Variants in NLGN1 observed in about 807,000 individuals in gnomAD.
NLGN1 encodes neuroligin 1, also known as neuroligin-1.
In NLGN1, 12 loss-of-function variants were observed where a neutral mutation model predicts 65.5. The observed-to-expected ratio is 0.18, with a 90% CI of 0.12 to 0.30. The LOEUF is 0.30. NLGN1 is among the 10% of genes least tolerant of loss of function. The pLI is 1.00. For missense variants in NLGN1, 750 were observed against 1,007.1 expected (o/e 0.74, Z 3.46); for synonymous variants, 350 against 359.5 (o/e 0.97, Z 0.30).
chr3:173,678,074 A>C (rs1033698879), intron 3 of NLGN1, among the ~76,000 whole-genome samples: 1 of 152,036 alleles, frequency 6.6e-6, no homozygotes, highest in Non-Finnish European at 1.5e-5. Flanking sequence ...CTGTATATGG[A>C]AGCATTTATG....
At chr3:173,488,258 C>T (rs931377492) in intron 2 of NLGN1, among the ~76,000 whole-genome samples, 1 of 151,914 alleles carries the variant, frequency 6.6e-6, no homozygotes, top group Non-Finnish European at 1.5e-5. Flanking sequence ...ATTCATACTA[C>T]TTTGATTTGT....
intron 4 of NLGN1, among the ~76,000 whole-genome samples, chr3:174,242,459 A>G (rs1485085500): frequency 6.6e-6 from 1 of 152,104 alleles, no homozygotes; most frequent in African/African-American, 2.4e-5. Flanking sequence ...ATGAAGCTTC[A>G]AATGTATTTA....
At chr3:174,111,250 T>C (rs1715161206) in intron 4 of NLGN1, among the ~76,000 whole-genome samples, 1 of 151,938 alleles carries the variant, frequency 6.6e-6, no homozygotes, top group Non-Finnish European at 1.5e-5. Context: ...AATGGGACTG[T>C]AGAAACTGGT....
chr3:173,747,795 C>CTTCTT (rs1560289220), intron 3 of NLGN1, among the ~76,000 whole-genome samples: 16 of 78,606 alleles, frequency 2.0e-4, no homozygotes, highest in African/African-American at 9.3e-4. Context: ...TCTTCTTCTT[C>CTTCTT]TTGTTCTTTT....
chr3:174,002,381 G>A (rs907027682), intron 4 of NLGN1, among the ~76,000 whole-genome samples: 43 of 152,136 alleles, frequency 2.8e-4, no homozygotes, highest in African/African-American at 1.0e-3. Flanking sequence ...ACCCTCCTCG[G>A]CCTCCCAAAC....
chr3:173,599,909 T>C (rs1283388446), intron 2 of NLGN1, among the ~76,000 whole-genome samples: 1 of 152,248 alleles, frequency 6.6e-6, no homozygotes, highest in East Asian at 1.9e-4. Flanking sequence ...AAGGCATTGC[T>C]CTGCCTTCTT....
chr3:174,063,331 C>G (rs922045150), intron 4 of NLGN1, among the ~76,000 whole-genome samples: 1 of 152,040 alleles, frequency 6.6e-6, no homozygotes, highest in Non-Finnish European at 1.5e-5. Flanking sequence ...TCACTGCAGA[C>G]CTGTTTTACA....
chr3:174,182,621 G>C (rs1730654338), intron 4 of NLGN1, among the ~76,000 whole-genome samples: 1 of 152,092 alleles, frequency 6.6e-6, no homozygotes, highest in Admixed American at 6.6e-5. Flanking sequence ...GCCATCCTTT[G>C]AGTGAAAAAA....
At chr3:173,551,800 C>T (rs1502473) in intron 2 of NLGN1, among the ~76,000 whole-genome samples, 85,705 of 151,836 alleles carry the variant, frequency 0.56, 24,132 homozygotes, top group East Asian at 0.8. Context: ...TCTGAACTTA[C>T]GTTTTTTCAC....
chr3:174,138,930 T>C (rs147936399), intron 4 of NLGN1, among the ~76,000 whole-genome samples: 4 of 152,352 alleles, frequency 2.6e-5, no homozygotes, highest in South Asian at 2.1e-4. Context: ...GTTCAGGCAG[T>C]AAACTTAAAA....
At chr3:173,601,472 A>C (rs1750536806) in intron 2 of NLGN1, among the ~76,000 whole-genome samples, 1 of 152,028 alleles carries the variant, frequency 6.6e-6, no homozygotes, top group South Asian at 2.1e-4. Context: ...AATATATAAT[A>C]TTCTTTTACA....
intron 4 of NLGN1, among the ~76,000 whole-genome samples, chr3:173,950,454 A>T (rs1288502303): frequency 1.4e-4 from 21 of 152,224 alleles, no homozygotes. Flanking sequence ...TGAACTAACA[A>T]ATACGTATGT....
intron 4 of NLGN1, among the ~76,000 whole-genome samples, chr3:174,034,296 T>G (rs539643483): frequency 6.6e-6 from 1 of 151,222 alleles, no homozygotes; most frequent in South Asian, 2.1e-4. Flanking sequence ...TCAGCAGACA[T>G]AAGAATGTTA....
At chr3:173,696,061 C>A (rs961942583) in intron 3 of NLGN1, among the ~76,000 whole-genome samples, 4 of 152,186 alleles carry the variant, frequency 2.6e-5, no homozygotes, top group African/African-American at 9.6e-5. Context: ...ACTCTCCCAC[C>A]TTTGCCTCTC....
At chr3:173,857,871 C>T (rs914104536) in intron 4 of NLGN1, among the ~76,000 whole-genome samples, 38 of 144,818 alleles carry the variant, frequency 2.6e-4, no homozygotes, top group African/African-American at 8.3e-4. Context: ...CATTTCTCTT[C>T]GTAGGAAGAG....
rs199733120 is a variant in NLGN1 at position 173,627,766 on chromosome 3, A to AT, written c.493+22683dup. Among the ~76,000 whole-genome samples, 866 of 150,676 alleles carry AT rather than the reference A, an allele frequency of 5.7e-3. 5 individuals carry two copies. Among genetic ancestry groups the AT allele is most frequent in the Non-Finnish European group, 8.7e-3 (590 of 67,664 alleles). On this transcript the variant is annotated intron_variant, in intron 3 of 6. Coordinates refer to ENST00000457714, the Ensembl canonical transcript of NLGN1. ...AGCAAATGAAAGTACCTTTTTTGGCATTTTTTTTCTTAAAAGGACTTATGC... is the reference window on the plus strand; with the variant it reads ...AGCAAATGAAAGTACCTTTTTTGGCATTTTTTTTTCTTAAAAGGACTTATGC...
intron 4 of NLGN1, among the ~76,000 whole-genome samples, chr3:173,829,198 G>A (rs1036040694): frequency 2.6e-5 from 4 of 152,046 alleles, no homozygotes; most frequent in African/African-American, 7.2e-5. Flanking sequence ...TATTCTGAGC[G>A]GGAGAAGATG....
At chr3:173,490,575 G>A (rs1209801112) in intron 2 of NLGN1, among the ~76,000 whole-genome samples, 6 of 152,036 alleles carry the variant, frequency 3.9e-5, no homozygotes, top group African/African-American at 9.7e-5. Flanking sequence ...TTGGCAATGT[G>A]GGCTCTTTTG....
chr3:173,545,426 A>G (rs2149246103), intron 2 of NLGN1, among the ~76,000 whole-genome samples: 1 of 152,290 alleles, frequency 6.6e-6, no homozygotes, highest in East Asian at 1.9e-4. Context: ...AGGCAGAAAT[A>G]GAAAAAAATG....
Sources: gnomAD v4.1 joint callset for allele counts (sites outside exome capture counted in the v4.1 genomes callset) on GRCh38, gnomAD v4.1.1 for gene constraint, MANE v1.5 for transcripts, NCBI Gene and HGNC (gene_info 2026-07-23, HGNC 2026-07-21) for gene names.